Variants in PWWP2A observed in about 807,000 individuals in gnomAD.
PWWP2A encodes the protein PWWP domain containing 2A.
In PWWP2A, 18 loss-of-function variants were observed where a neutral mutation model predicts 48.5. The observed-to-expected ratio is 0.37, with a 90% CI of 0.26 to 0.55. The LOEUF (loss-of-function observed/expected upper bound fraction) is 0.55, where lower values mean the gene tolerates loss of function less well. PWWP2A is among the 20% of genes least tolerant of loss of function. The pLI, the probability that PWWP2A is intolerant of heterozygous loss-of-function variation, is 0.81. For synonymous variants in PWWP2A, 396 were observed against 387.7 expected, an observed-to-expected ratio of 1.02 and a Z score of -0.25; for missense variants, 867 against 976.4, an observed-to-expected ratio of 0.89 and a Z score of 1.49.
At chr5:160,082,140 T>G (rs1304295354) in intron 2 of PWWP2A, among the ~76,000 whole-genome samples, 1 of 152,210 alleles carries the variant, frequency 6.6e-6, no homozygotes, top group Non-Finnish European at 1.5e-5. Context: ...TAAGGGAATC[T>G]GAGTGCACTA....
chr5:160,092,417 C>T lies in PWWP2A; in HGVS notation c.2233G>A (p.Glu745Lys), dbSNP rs1429883613. Reference sequence around the variant, plus strand: ...AACTGTGTCAACAAAGCCCGCACTTCGGGGGTCAGCTGCTTGGCAGCCTTA... The same window carrying T: ...AACTGTGTCAACAAAGCCCGCACTTTGGGGGTCAGCTGCTTGGCAGCCTTA... ...AAKAAKQLTP[E>K]VRALLTQFET Residue 745 changes from glutamate to lysine, a missense_variant, in exon 2 of 2, where the codon GAA (glutamate) becomes AAA (lysine). Glu to Lys is a moderately conservative substitution (Grantham distance 56). Coordinates refer to ENST00000307063, the MANE Select transcript of PWWP2A (RefSeq NM_001130864.2). 3.9e-6 allele frequency: 6 copies of T among 1,549,416 alleles called. No homozygotes were observed. Among genetic ancestry groups the T allele is most frequent in the Non-Finnish European group, 5.2e-6 (6 of 1,146,326 alleles).
chr5:160,049,578 G>T, the PWWP2A span: 1 of 1,610,738 alleles, frequency 6.2e-7, no homozygotes, highest in Non-Finnish European at 8.5e-7. Context: ...ATGAGAAGAC[G>T]GACAAGCTAG....
chr5:160,109,266 G>C (rs970392844), intron 1 of PWWP2A, among the ~76,000 whole-genome samples: 2 of 151,736 alleles, frequency 1.3e-5, no homozygotes, highest in African/African-American at 4.8e-5. Context: ...TTACAGTCAT[G>C]ATCCACTGCA....
chr5:160,097,840 T>C (rs1263465167), intron 1 of PWWP2A, among the ~76,000 whole-genome samples: 1 of 150,390 alleles, frequency 6.6e-6, no homozygotes, highest in African/African-American at 2.4e-5. Flanking sequence ...CTCAGCCACC[T>C]GAGCAGCTAG....
chr5:160,072,182 C>T (rs1263626288), downstream of PWWP2A, among the ~76,000 whole-genome samples: 1 of 152,182 alleles, frequency 6.6e-6, no homozygotes, highest in Non-Finnish European at 1.5e-5. Context: ...AATTTGCAAT[C>T]ACTTCCTCCT....
At chr5:160,097,655 AACAAAT>A (rs1212187579) in intron 1 of PWWP2A, among the ~76,000 whole-genome samples, 3 of 145,610 alleles carry the variant, frequency 2.1e-5, no homozygotes, top group South Asian at 2.4e-4. Flanking sequence ...AAATAAATAA[AACAAAT>A]ACAAAAACAA....
At chr5:160,100,995 CAGAT>C (rs1325788115) in intron 1 of PWWP2A, among the ~76,000 whole-genome samples, 2 of 152,156 alleles carry the variant, frequency 1.3e-5, no homozygotes, top group East Asian at 1.9e-4. Flanking sequence ...ATGAGCTAGA[CAGAT>C]AGAGATATAT....
intron 2 of PWWP2A, chr5:160,080,831 T>C: frequency 1.4e-6 from 2 of 1,439,090 alleles, no homozygotes; most frequent in Non-Finnish European, 9.3e-7. Context: ...ATCCATCCAT[T>C]TTACCAAAAA....
At chr5:160,097,713 G>GC (rs1009843586) in intron 1 of PWWP2A, among the ~76,000 whole-genome samples, 5 of 147,078 alleles carry the variant, frequency 3.4e-5, no homozygotes, top group Admixed American at 2.0e-4. Context: ...TTTTGGGGGG[G>GC]GGGGCGGTTG....
intron 2 of PWWP2A, among the ~76,000 whole-genome samples, chr5:160,081,075 A>C (rs915928147): frequency 3.3e-5 from 5 of 152,098 alleles, no homozygotes; most frequent in Non-Finnish European, 5.9e-5. Context: ...TAACAAATGA[A>C]AGGGGAAATG....
rs555152443 is a variant in PWWP2A at position 160,092,205 on chromosome 5, T to C, written c.*177A>G. ...ACTTCCTTAACACAAAATTTGATTA[T>C]ATGTTCAGTTTAAGCTCTCAGTCTA... is the stretch of plus-strand genomic sequence containing the variant. On this transcript the variant is annotated 3_prime_UTR_variant, in exon 2 of 2. Transcript: ENST00000307063. 1.7e-4 allele frequency: 223 copies of C among 1,329,484 alleles called. 3 individuals are homozygous for C. The Middle Eastern group carries it at 2.0e-3, about 12-fold the overall frequency. The allele number at this position is 1,329,484 out of a possible 1,614,324, so 82.4% of individuals were successfully genotyped here. A position where few individuals can be genotyped will look rare whatever the true frequency, so the allele number is the denominator to read the frequency against.
downstream of PWWP2A, among the ~76,000 whole-genome samples, chr5:160,061,067 CG>C (rs914190434): frequency 4.6e-5 from 7 of 152,230 alleles, no homozygotes; most frequent in African/African-American, 1.7e-4. Flanking sequence ...TCCTGTGGCA[CG>C]GGAACCGTAG....
At chr5:160,071,941 A>C (rs114222766), downstream of PWWP2A, among the ~76,000 whole-genome samples, 862 of 152,270 alleles carry the variant, frequency 5.7e-3, 7 homozygotes, top group African/African-American at 0.02. Context: ...TTATCTGTGG[A>C]TACTCTGTAC....
intron 4 of PWWP2A, among the ~76,000 whole-genome samples, chr5:160,065,956 G>T (rs1367552824): frequency 6.6e-6 from 1 of 152,180 alleles, no homozygotes; most frequent in East Asian, 1.9e-4. Flanking sequence ...GAAGCTTGCA[G>T]TTGCTCTGGT....
downstream of PWWP2A, among the ~76,000 whole-genome samples, chr5:160,057,008 A>G (rs1757563955): frequency 1.3e-5 from 2 of 151,790 alleles, no homozygotes; most frequent in Admixed American, 6.6e-5. The surrounding 1 kb of genome is among the most constrained non-coding windows in gnomAD (Gnocchi z 4.4). Flanking sequence ...TCTTCATACT[A>G]TTCTGCCTGA....
At chr5:160,053,789 A>G in the PWWP2A span, among the ~76,000 whole-genome samples, 10 of 152,324 alleles carry the variant, frequency 6.6e-5, no homozygotes, top group East Asian at 1.9e-3. Context: ...AGATGTGTTC[A>G]GTATTCTTTA....
At chr5:160,101,806 TAA>T (rs34950891) in intron 1 of PWWP2A, among the ~76,000 whole-genome samples, 14 of 132,388 alleles carry the variant, frequency 1.1e-4, no homozygotes, top group Admixed American at 1.5e-4. Flanking sequence ...AACCAACTAT[TAA>T]AAAAAAAAAA....
At chr5:160,062,791 T>C (rs546782176) in intron 5 of PWWP2A, among the ~76,000 whole-genome samples, 1 of 152,078 alleles carries the variant, frequency 6.6e-6, no homozygotes, top group African/African-American at 2.4e-5. Flanking sequence ...AACATTTTCT[T>C]GGGCTGCTTT....
intron 5 of PWWP2A, among the ~76,000 whole-genome samples, chr5:160,062,740 C>T (rs1454305197): frequency 6.6e-6 from 1 of 152,160 alleles, no homozygotes; most frequent in African/African-American, 2.4e-5. Context: ...ATTCTCACTT[C>T]ACTCACTCCA....
Sources: allele counts gnomAD v4.1 joint callset (sites outside exome capture counted in the v4.1 genomes callset), GRCh38; gene constraint gnomAD v4.1.1; non-coding constraint Gnocchi (gnomAD v3.1); transcripts MANE v1.5; gene names NCBI Gene and HGNC (gene_info 2026-07-23, HGNC 2026-07-21).